PRMT8: variants seen among roughly 807,000 people sequenced by gnomAD.
PRMT8 encodes the protein protein arginine N-methyltransferase 8.
A neutral mutation model predicts 47.1 loss-of-function variants in PRMT8; 7 were observed. The ratio of observed to expected loss-of-function variants is 0.15; its 90% confidence interval spans 0.08 to 0.28. The LOEUF (loss-of-function observed/expected upper bound fraction) is 0.28. Ranked by LOEUF, PRMT8 falls within the 10% of genes least tolerant of loss-of-function variation. The pLI is 1.00. For missense variants in PRMT8, 237 were observed against 505.4 expected (o/e 0.47, Z 5.09); for synonymous variants, 188 against 186.5 (o/e 1.01, Z -0.07).
chr12:3,451,316 C>G (rs1400600496), intron 1 of PRMT8, among the ~76,000 whole-genome samples: 2 of 152,116 alleles, frequency 1.3e-5, no homozygotes, highest in African/African-American at 4.8e-5. Flanking sequence ...GCGGGAGTGA[C>G]ACACCCAAAG....
chr12:3,472,459 G>A (rs1479784657), intron 1 of PRMT8, among the ~76,000 whole-genome samples: 2 of 152,226 alleles, frequency 1.3e-5, no homozygotes, highest in African/African-American at 2.4e-5. Context: ...TGGCTTTGGT[G>A]TAAGAAAGGC....
At chr12:3,491,746 C>G in intron 1 of PRMT8, 46 bp downstream of exon 1, 1 of 1,566,740 alleles carries the variant, frequency 6.4e-7, no homozygotes, top group Non-Finnish European at 8.6e-7. Context: ...CCGCCGCCCA[C>G]CCGGACCACC....
At chr12:3,472,714 A>C (rs1255494416) in intron 1 of PRMT8, among the ~76,000 whole-genome samples, 1 of 152,156 alleles carries the variant, frequency 6.6e-6, no homozygotes, top group East Asian at 1.9e-4. Flanking sequence ...CTCCATATGC[A>C]GGGTGCATGG....
intron 1 of PRMT8, among the ~76,000 whole-genome samples, chr12:3,427,339 A>C (rs1224561496): frequency 6.6e-6 from 1 of 152,198 alleles, no homozygotes; most frequent in Non-Finnish European, 1.5e-5. Flanking sequence ...AGAGCAGGTT[A>C]GTGCCTTAAG....
chr12:3,462,060 TAG>T (rs1240652831), intron 1 of PRMT8, among the ~76,000 whole-genome samples: 1 of 152,006 alleles, frequency 6.6e-6, no homozygotes, highest in African/African-American at 2.4e-5. Context: ...CATTCTCCGA[TAG>T]GCCCCAGTGT....
rs753865996 is a variant in PRMT8, at chr12:3,577,018, G to A, written c.828+32G>A. The A allele has an allele frequency of 4.4e-6, 7 of 1,584,190 alleles. No individual in the cohort carries two copies. The South Asian group carries it at 7.8e-5, about 18-fold the overall frequency. ...ACACTCATCCGGGGTGGACCTGGGTGTGCTGGGAGCCCCGCTGTGCCACCC... is the reference window on the plus strand; with the variant it reads ...ACACTCATCCGGGGTGGACCTGGGTATGCTGGGAGCCCCGCTGTGCCACCC... On this transcript the variant is annotated intron_variant, in intron 7 of 9. Coordinates refer to ENST00000382622, the MANE Select transcript of PRMT8 (RefSeq NM_019854.5).
intron 1 of PRMT8, among the ~76,000 whole-genome samples, chr12:3,432,113 C>T (rs1167022033): frequency 6.6e-6 from 1 of 152,056 alleles, no homozygotes; most frequent in Non-Finnish European, 1.5e-5. Context: ...CAGAGAAGGC[C>T]CGAGTTGAAG....
chr12:3,463,687 C>T (rs1285332576), intron 1 of PRMT8: 1 of 152,232 alleles, frequency 6.6e-6, no homozygotes, highest in East Asian at 1.9e-4. Context: ...ACCTCCACCT[C>T]CTCTCAAGCA....
chr12:3,577,218 G>A (rs1866962134), intron 7 of PRMT8, among the ~76,000 whole-genome samples: 1 of 152,212 alleles, frequency 6.6e-6, no homozygotes, highest in South Asian at 2.1e-4. Context: ...CCAGCACAGG[G>A]GCCCTGGTGG....
At chr12:3,574,437 A>G (rs908810252) in intron 6 of PRMT8, among the ~76,000 whole-genome samples, 3 of 152,258 alleles carry the variant, frequency 2.0e-5, no homozygotes, top group Non-Finnish European at 2.9e-5. Context: ...CATTTTAAAA[A>G]CTGTTCCAAG....
At chr12:3,481,572 C>T (rs77096342) in intron 1 of PRMT8, among the ~76,000 whole-genome samples, 14,568 of 152,124 alleles carry the variant, frequency 0.096, 749 homozygotes, top group African/African-American at 0.11. Flanking sequence ...GCATAGCCCT[C>T]GACCACCTCA....
At chr12:3,403,897 A>G (rs904162242) in intron 1 of PRMT8, among the ~76,000 whole-genome samples, 2 of 133,704 alleles carry the variant, frequency 1.5e-5, no homozygotes, top group Admixed American at 8.0e-5. Context: ...AAAAAAAAAA[A>G]AGAGAGAGAA....
At chr12:3,385,014 A>G (rs1180591964) in intron 1 of PRMT8, among the ~76,000 whole-genome samples, 1 of 152,116 alleles carries the variant, frequency 6.6e-6, no homozygotes, top group Non-Finnish European at 1.5e-5. Flanking sequence ...TAAACCAATT[A>G]TGATTCACTC....
At chr12:3,571,320 G>A (rs1457335005) in intron 6 of PRMT8, among the ~76,000 whole-genome samples, 5 of 152,226 alleles carry the variant, frequency 3.3e-5, no homozygotes, top group East Asian at 1.9e-4. Context: ...CCCTGGAGCT[G>A]CATTTTGGAG....
intron 4 of PRMT8, among the ~76,000 whole-genome samples, chr12:3,560,879 G>A (rs1866624885): frequency 6.6e-6 from 1 of 152,182 alleles, no homozygotes. Flanking sequence ...TGCACAGCTC[G>A]TAAGGTTATT....
chr12:3,544,080 T>C (rs1195632479), intron 2 of PRMT8, among the ~76,000 whole-genome samples: 1 of 152,222 alleles, frequency 6.6e-6, no homozygotes, highest in African/African-American at 2.4e-5. Context: ...TGGGGCCTTA[T>C]AGTCCAACAA....
intron 1 of PRMT8, among the ~76,000 whole-genome samples, chr12:3,397,935 C>G (rs547911068): frequency 2.0e-5 from 3 of 152,316 alleles, no homozygotes; most frequent in Admixed American, 6.5e-5. Context: ...TTAAGCCCGT[C>G]GGAAAAGCGC....
rs1864947278 is a variant in PRMT8, at chr12:3,453,900, C to G, written c.48+72458C>G. ...GCCTCGGGTGCAGCCTTGTCCTCAG[C>G]GTTCAACACGGGGTGCCTCGTGTGC... On this transcript the variant is annotated intron_variant, in intron 1 of 9. Transcript: ENST00000452611. This position sits in a 1 kb window ranked among gnomAD's most constrained non-coding sequence, Gnocchi z 4.9. 6.6e-6 allele frequency among the ~76,000 whole-genome samples: 1 copy of G among 152,196 alleles called. No individual in the cohort carries two copies. The highest frequency in any genetic ancestry group is 2.4e-5 in the African/African-American group (1 of 41,454).
intron 8 of PRMT8, among the ~76,000 whole-genome samples, chr12:3,591,407 CTTT>C (rs34619063): frequency 3.5e-5 from 4 of 115,708 alleles, no homozygotes; most frequent in Admixed American, 9.5e-5. Flanking sequence ...AGGGAAAGCT[CTTT>C]TTTTTTTTTT....
Sources: allele counts gnomAD v4.1 joint callset (sites outside exome capture counted in the v4.1 genomes callset), GRCh38; gene constraint gnomAD v4.1.1; non-coding constraint Gnocchi (gnomAD v3.1); transcripts MANE v1.5; gene names NCBI Gene and HGNC (gene_info 2026-07-23, HGNC 2026-07-21).